The following ACBD6 variants were observed in gnomAD, a reference collection of about 807,000 sequenced individuals.
ACBD6 encodes the protein acyl-CoA binding domain containing 6.
ACBD6 carries 28 observed loss-of-function variants against 37.2 expected under a neutral mutation model. The ratio of observed to expected loss-of-function variants is 0.75; its 90% CI spans 0.56 to 1.03. The LOEUF is 1.03. Among genes scored for constraint, ACBD6 ranks in the 50% least tolerant of loss-of-function variants. ACBD6 has a pLI of 0.00. For synonymous variants in ACBD6, 113 were observed against 126.8 expected, an observed-to-expected ratio of 0.89 and a Z score of 0.73; for missense variants, 340 against 337.4, an observed-to-expected ratio of 1.01 and a Z score of -0.06.
intron 6 of ACBD6, among the ~76,000 whole-genome samples, chr1:180,393,430 A>G (rs1313200835): frequency 6.6e-6 from 1 of 152,198 alleles, no homozygotes; most frequent in Non-Finnish European, 1.5e-5. Context: ...TAGTCTTCAG[A>G]TAGCTGATAA....
intron 5 of ACBD6, among the ~76,000 whole-genome samples, chr1:180,406,966 A>G (rs1351112866): frequency 6.6e-6 from 1 of 152,242 alleles, no homozygotes; most frequent in African/African-American, 2.4e-5. Context: ...TTGAGGCTAC[A>G]CACTTTTAGT....
chr1:180,375,978 A>T (rs1012019522), intron 6 of ACBD6, among the ~76,000 whole-genome samples: 6 of 152,214 alleles, frequency 3.9e-5, no homozygotes, highest in Non-Finnish European at 5.9e-5. Context: ...ACTCTGAAAA[A>T]ACTGAGTCAC....
At chr1:180,322,512 T>C (rs1310446515) in intron 6 of ACBD6, among the ~76,000 whole-genome samples, 1 of 152,074 alleles carries the variant, frequency 6.6e-6, no homozygotes, top group Non-Finnish European at 1.5e-5. Flanking sequence ...GAAAACTTTA[T>C]TTCAGCTTCT....
intron 6 of ACBD6, among the ~76,000 whole-genome samples, chr1:180,395,646 AAAC>A (rs1233114952): frequency 2.0e-5 from 3 of 152,204 alleles, no homozygotes; most frequent in African/African-American, 7.2e-5. Flanking sequence ...AAAGCACAGA[AAAC>A]AACAAGTGTG....
intron 6 of ACBD6, among the ~76,000 whole-genome samples, chr1:180,377,045 G>C (rs1490296882): frequency 6.6e-6 from 1 of 152,112 alleles, no homozygotes; most frequent in Non-Finnish European, 1.5e-5. Flanking sequence ...TTTTAACATA[G>C]TTAGTAAATG....
At chr1:180,467,139 G>A (rs1246551779) in intron 3 of ACBD6, among the ~76,000 whole-genome samples, 1 of 151,610 alleles carries the variant, frequency 6.6e-6, no homozygotes, top group East Asian at 1.9e-4. Flanking sequence ...TAGAGCCAAG[G>A]TATCACTATG....
chr1:180,353,672 A>G (rs1652504616), intron 6 of ACBD6, among the ~76,000 whole-genome samples: 1 of 151,074 alleles, frequency 6.6e-6, no homozygotes, highest in South Asian at 2.1e-4. Flanking sequence ...ATCTATATTA[A>G]AAATTTATTT....
intron 7 of ACBD6, among the ~76,000 whole-genome samples, chr1:180,298,599 C>G (rs1424788666): frequency 6.6e-6 from 1 of 152,156 alleles, no homozygotes; most frequent in Non-Finnish European, 1.5e-5. Flanking sequence ...ATCTAGGGAA[C>G]TCTAGTCAAC....
At chr1:180,481,296 C>G (rs2102070835) in intron 3 of ACBD6, among the ~76,000 whole-genome samples, 1 of 151,004 alleles carries the variant, frequency 6.6e-6, no homozygotes, top group Admixed American at 6.6e-5. Flanking sequence ...TGATCAGGAT[C>G]ACAGAAAAGA....
At chr1:180,477,601 C>A (rs1650849740) in intron 3 of ACBD6, among the ~76,000 whole-genome samples, 1 of 151,864 alleles carries the variant, frequency 6.6e-6, no homozygotes, top group South Asian at 2.1e-4. Context: ...AAAAAATAAT[C>A]TCCTTATAAT....
At chr1:180,382,968 C>T (rs1386654314) in intron 6 of ACBD6, among the ~76,000 whole-genome samples, 1 of 152,148 alleles carries the variant, frequency 6.6e-6, no homozygotes, top group East Asian at 1.9e-4. Context: ...TCAACAGACA[C>T]AGAAAAAGCA....
chr1:180,326,017 A>G (rs1289285636), intron 6 of ACBD6, among the ~76,000 whole-genome samples: 1 of 152,024 alleles, frequency 6.6e-6, no homozygotes, highest in Non-Finnish European at 1.5e-5. Flanking sequence ...CACTGCAATC[A>G]CTACCTGGCT....
chr1:180,419,008 T>C (rs2101981108), intron 4 of ACBD6, among the ~76,000 whole-genome samples: 1 of 152,356 alleles, frequency 6.6e-6, no homozygotes, highest in Admixed American at 6.5e-5. Flanking sequence ...TCCCAGCACT[T>C]CGGGAGGCCG....
At chr1:180,341,359 A>T (rs1229190374) in intron 6 of ACBD6, among the ~76,000 whole-genome samples, 1 of 152,180 alleles carries the variant, frequency 6.6e-6, no homozygotes, top group Non-Finnish European at 1.5e-5. Flanking sequence ...TTATAAAACT[A>T]TGTAGAGCAT....
At chr1:180,484,758 T>C (rs1181988595) in intron 3 of ACBD6, among the ~76,000 whole-genome samples, 2 of 152,146 alleles carry the variant, frequency 1.3e-5, no homozygotes, top group East Asian at 3.8e-4. Context: ...ATGTTATGTA[T>C]GCATGTATAT....
At chr1:180,397,824 G>C (rs1054628529) in intron 5 of ACBD6, among the ~76,000 whole-genome samples, 1 of 152,086 alleles carries the variant, frequency 6.6e-6, no homozygotes, top group South Asian at 2.1e-4. Flanking sequence ...AGGCCGAGGT[G>C]GGTGGATCAC....
In ACBD6 at chr1:180,327,192, T is replaced by C. The variant is rs141521345; in HGVS notation, c.664-12470A>G. On this transcript the variant is annotated intron_variant, in intron 6 of 7. Transcript: ENST00000367595. ...TGAGGTTTATCAAAACTCAAGTTCC[T>C]ATCACTCGGATGGACGATTACCCTC... is the stretch of plus-strand genomic sequence containing the variant. Among the ~76,000 whole-genome samples the C allele has an allele frequency of 2.9e-4, 44 of 152,312 alleles. 1 individual carries two copies. In the East Asian group the frequency reaches 7.7e-3, roughly 27 times the overall value.
intron 3 of ACBD6, among the ~76,000 whole-genome samples, chr1:180,460,652 C>A (rs1650110872): frequency 6.6e-6 from 1 of 152,194 alleles, no homozygotes; most frequent in Non-Finnish European, 1.5e-5. Context: ...CAACTACGGA[C>A]TGGAGTGGAT....
At chr1:180,295,835 T>C (rs1649895826) in intron 7 of ACBD6, among the ~76,000 whole-genome samples, 1 of 152,224 alleles carries the variant, frequency 6.6e-6, no homozygotes, top group South Asian at 2.1e-4. Flanking sequence ...GGTCTCCCTA[T>C]TCCCTGAGAC....
Sources: allele counts gnomAD v4.1 joint callset (sites outside exome capture counted in the v4.1 genomes callset), GRCh38; gene constraint gnomAD v4.1.1; transcripts MANE v1.5; gene names NCBI Gene and HGNC (gene_info 2026-07-23, HGNC 2026-07-21).